The following CCDC144A variants were observed in gnomAD, a reference collection of about 807,000 sequenced individuals.
CCDC144A encodes coiled-coil domain containing 144A.
CCDC144A carries 41 observed loss-of-function variants against 143.8 expected under a neutral mutation model. The ratio of observed to expected loss-of-function variants is 0.29; its 90% confidence interval spans 0.22 to 0.37. The LOEUF (loss-of-function observed/expected upper bound fraction) is 0.37. Ranked by LOEUF, CCDC144A falls within the 10% of genes least tolerant of loss-of-function variation. CCDC144A has a pLI of 1.00. For synonymous variants in CCDC144A, 242 were observed against 517.9 expected, an observed-to-expected ratio of 0.47 and a Z score of 7.23; for missense variants, 637 against 1,488.8, an observed-to-expected ratio of 0.43 and a Z score of 9.41.
chr17:16,690,500 G>T lies in CCDC144A; in HGVS notation c.100G>T (p.Asp34Tyr), dbSNP rs757757152. The stretch of plus-strand genomic sequence containing the variant: ...GACCCCTAGCGTCGGGAGCCAGGGG[G>T]ACCAGTGGTACTTGGGCTACCCGGG... ...RKTPSVGSQG[D>Y]QWYLGYPGDQ... Residue 34 changes from aspartate (D) to tyrosine (Y), a missense_variant, in exon 1 of 17, where the codon GAC becomes TAC. Transcript: ENST00000399273. 8 of 1,611,254 alleles carry T rather than the reference G, an allele frequency of 5.0e-6. No individual in the cohort carries two copies. In the South Asian group the frequency reaches 8.8e-5, roughly 18 times the overall value.
At chr17:16,755,494 G>T (rs1405094593) in intron 12 of CCDC144A, among the ~76,000 whole-genome samples, 7 of 152,152 alleles carry the variant, frequency 4.6e-5, no homozygotes, top group Non-Finnish European at 7.4e-5. Context: ...TTTCTTGTAG[G>T]ATCAGTCTAG....
chr17:16,720,451 C>G (rs1214807633), intron 7 of CCDC144A, 66 bp from the exon 8 acceptor site: 10 of 1,545,030 alleles, frequency 6.5e-6, no homozygotes, highest in Non-Finnish European at 8.8e-6. Flanking sequence ...AATACCGCTT[C>G]TGTACCTTTA....
rs1424446887 is a variant in CCDC144A, at chr17:16,709,227, A to G, written c.1170A>G (p.Ser390=). 5 of 1,611,662 alleles carry G rather than the reference A, an allele frequency of 3.1e-6. No homozygotes were observed. The highest frequency in any genetic ancestry group is 4.2e-6 in the Non-Finnish European group (5 of 1,179,674). ...GGTCCCAGGAACATGTTTGCCAGTCATCTTCTAAGTTTCATTTACATGAAA... is the reference window on the plus strand; with the variant it reads ...GGTCCCAGGAACATGTTTGCCAGTCGTCTTCTAAGTTTCATTTACATGAAA... The part of the protein sequence containing the change: ...YSGSQEHVCQ[S]SSKFHLHENK... Residue 390 remains serine, a synonymous_variant, in exon 5 of 17, where the codon TCA becomes TCG. Transcript: ENST00000399273.
intron 15 of CCDC144A, among the ~76,000 whole-genome samples, chr17:16,768,802 T>C (rs1045165081): frequency 6.6e-6 from 1 of 151,340 alleles, no homozygotes; most frequent in African/African-American, 2.5e-5. Flanking sequence ...TTAAAAAAAT[T>C]TTCTAACTAC....
At chr17:16,693,165 T>C (rs1189093636) in intron 2 of CCDC144A, 116 bp downstream of exon 2, 3 of 865,462 alleles carry the variant, frequency 3.5e-6, no homozygotes, top group African/African-American at 3.4e-5. Flanking sequence ...ATTTCTTTCT[T>C]GATAGGTTAG....
intron 12 of CCDC144A, among the ~76,000 whole-genome samples, chr17:16,751,045 G>A (rs1293703738): frequency 6.6e-6 from 1 of 152,158 alleles, no homozygotes; most frequent in Non-Finnish European, 1.5e-5. Flanking sequence ...CTTTAATCTG[G>A]TGAGAATTTA....
rs542165987 is a variant in CCDC144A, at chr17:16,724,400, G to C, written c.1892-3127G>C. Among the ~76,000 whole-genome samples, 140 of 152,096 alleles carry C rather than the reference G, an allele frequency of 9.2e-4. 1 individual carries two copies. Among genetic ancestry groups the C allele is most frequent in the Non-Finnish European group, 1.6e-3 (108 of 67,984 alleles). On this transcript the variant is annotated intron_variant, in intron 8 of 16. Transcript: ENST00000399273. ...AAAATACAAAAAATTAGCAGGGCGT[G>C]GTGGCAGGCTGAGGCAGGAGAATGG...
chr17:16,756,209 C>A lies in CCDC144A; in HGVS notation c.3373-5216C>A, dbSNP rs184893585. 1.6e-3 allele frequency among the ~76,000 whole-genome samples: 250 copies of A among 152,312 alleles called. 1 individual carries two copies. The highest frequency in any genetic ancestry group is 5.7e-3 in the African/African-American group (235 of 41,556). On this transcript the variant is annotated intron_variant, in intron 12 of 16. Coordinates refer to ENST00000399273, the MANE Select transcript of CCDC144A (RefSeq NM_001382000.1). ...TAGATAGGTTTTCTGTGCCTTTTCC[C>A]ATCTCTTCTATTTCTGCAACTCCCA... is the stretch of plus-strand genomic sequence containing the variant.
chr17:16,734,112 C>G (rs1913883180), intron 11 of CCDC144A, among the ~76,000 whole-genome samples: 1 of 147,570 alleles, frequency 6.8e-6, no homozygotes, highest in Admixed American at 6.8e-5. Flanking sequence ...TGCCCTCTAA[C>G]CTGAGTGATG....
intron 1 of CCDC144A, 93 bp from the exon 2 acceptor site, chr17:16,692,884 CTG>C (rs1597526083): frequency 9.3e-7 from 1 of 1,070,964 alleles, no homozygotes; most frequent in East Asian, 2.8e-5. Context: ...GATATTAACT[CTG>C]ATATTGTTTG....
chr17:16,692,329 A>T (rs1911137845), intron 1 of CCDC144A, among the ~76,000 whole-genome samples: 1 of 151,114 alleles, frequency 6.6e-6, no homozygotes, highest in African/African-American at 2.4e-5. Flanking sequence ...CAGTGTTGTT[A>T]TCTAGTTTGA....
intron 6 of CCDC144A, among the ~76,000 whole-genome samples, chr17:16,713,743 A>G (rs1439363474): frequency 6.6e-6 from 1 of 152,234 alleles, no homozygotes; most frequent in Admixed American, 6.5e-5. Context: ...CCATATAGAT[A>G]TGATTTAAAA....
In CCDC144A at chr17:16,725,388, C is replaced by G. The variant is rs529147931; in HGVS notation, c.1892-2139C>G. 3.3e-5 allele frequency among the ~76,000 whole-genome samples: 5 copies of G among 151,762 alleles called. No individual in the cohort carries two copies. The South Asian group carries it at 1.0e-3, about 32-fold the overall frequency. On this transcript the variant is annotated intron_variant, in intron 8 of 16. Coordinates refer to ENST00000399273, the MANE Select transcript of CCDC144A (RefSeq NM_001382000.1). ...ATTTTTATGATTTATTTTTATCTCC[C>G]TTTTATGGCTTATTAGCGATAACTA...
chr17:16,682,883 GTTTTTTTTTTTTTTTTTTT>G, the CCDC144A span, among the ~76,000 whole-genome samples: 43 of 46,454 alleles, frequency 9.3e-4, no homozygotes, highest in South Asian at 1.8e-3. Flanking sequence ...TGGATTCTCT[GTTTTTTTTTTTTTTTTTTT>G]TTTTTTTTTT....
the CCDC144A span, among the ~76,000 whole-genome samples, chr17:16,667,311 G>GGGCTGAGGAGGCTGAGGAGGCTGAGGC: frequency 1.6e-5 from 2 of 127,874 alleles, no homozygotes; most frequent in African/African-American, 5.3e-5. Context: ...GGCGGCTGAG[G>GGGCTGAGGAGGCTGAGGAGGCTGAGGC]GGCTGAGGAG....
intron 12 of CCDC144A, among the ~76,000 whole-genome samples, chr17:16,757,082 C>T (rs1468017460): frequency 6.6e-6 from 1 of 152,256 alleles, no homozygotes; most frequent in Non-Finnish European, 1.5e-5. Flanking sequence ...CAGTGGGTTA[C>T]CTGAGTGGTC....
intron 12 of CCDC144A, chr17:16,746,606 G>C: frequency 6.2e-7 from 1 of 1,613,458 alleles, no homozygotes; most frequent in Non-Finnish European, 8.5e-7. Context: ...GATGTCATCA[G>C]GATTCCTAAA....
chr17:16,673,204 C>A, the CCDC144A span, among the ~76,000 whole-genome samples: 2 of 151,762 alleles, frequency 1.3e-5, no homozygotes, highest in African/African-American at 4.8e-5. Context: ...GGCCCTAACA[C>A]CACCACATAC....
At chr17:16,696,178 C>T (rs1426353557) in intron 2 of CCDC144A, among the ~76,000 whole-genome samples, 2 of 152,084 alleles carry the variant, frequency 1.3e-5, no homozygotes, top group Non-Finnish European at 2.9e-5. Context: ...CCATGCCCAG[C>T]TGATTTTTGT....
Sources: allele counts gnomAD v4.1 joint callset (sites outside exome capture counted in the v4.1 genomes callset), GRCh38; gene constraint gnomAD v4.1.1; transcripts MANE v1.5; gene names NCBI Gene and HGNC (gene_info 2026-07-23, HGNC 2026-07-21).